The following RBFOX1 variants were observed in gnomAD, a reference collection of about 807,000 sequenced individuals.
RBFOX1 encodes the protein RNA binding protein fox-1 homolog 1.
In RBFOX1, 8 loss-of-function variants were observed where a neutral mutation model predicts 57.7. The observed-to-expected ratio is 0.14, with a 90% confidence interval of 0.08 to 0.25. The LOEUF (loss-of-function observed/expected upper bound fraction) is 0.25. RBFOX1 is among the 10% of genes least tolerant of loss of function. The pLI is 1.00. For synonymous variants in RBFOX1, 326 were observed against 222.4 expected (o/e 1.47, Z -4.15); for missense variants, 611 against 548.5 (o/e 1.11, Z -1.14).
intron 3 of RBFOX1, among the ~76,000 whole-genome samples, chr16:6,720,472 A>G (rs549542269): frequency 3.3e-5 from 5 of 152,296 alleles, no homozygotes; most frequent in African/African-American, 1.2e-4. Flanking sequence ...ATGGACTCAT[A>G]CACGACCTAT....
At chr16:6,908,622 T>C (rs2070725628) in intron 3 of RBFOX1, among the ~76,000 whole-genome samples, 1 of 152,158 alleles carries the variant, frequency 6.6e-6, no homozygotes, top group African/African-American at 2.4e-5. Flanking sequence ...GTGGAAATGG[T>C]TAATGAATCC....
At chr16:6,117,085 C>G (rs1280828299) in intron 1 of RBFOX1, among the ~76,000 whole-genome samples, 1 of 152,128 alleles carries the variant, frequency 6.6e-6, no homozygotes, top group East Asian at 1.9e-4. Context: ...GATGCCCTCA[C>G]CAAAGCCTTC....
Position 6,893,474 on chromosome 16 carries a change from G to C in RBFOX1, c.-15-158583G>C, listed in dbSNP as rs186307583. ...TAAACCTGAACTCTAGTAGCTGTGC[G>C]ATAGAGAGGTCCCTTGTCAGTATCA... On this transcript the variant is annotated intron_variant, in intron 3 of 15. Transcript: ENST00000550418. Among the ~76,000 whole-genome samples, 15 of 152,280 alleles carry C rather than the reference G, an allele frequency of 9.9e-5. 1 individual carries two copies. The East Asian group carries it at 2.9e-3, about 29-fold the overall frequency.
At chr16:5,747,332 G>T (rs980743741) in intron 3 of RBFOX1, among the ~76,000 whole-genome samples, 11 of 152,154 alleles carry the variant, frequency 7.2e-5, no homozygotes, top group African/African-American at 2.7e-4. Flanking sequence ...CAGGGATATT[G>T]GTCTGAAATT....
rs1013941807 is a variant in RBFOX1, at chr16:6,626,156, T to TC, written c.-63-28444dup. Among the ~76,000 whole-genome samples, 11 of 151,322 alleles carry TC rather than the reference T, an allele frequency of 7.3e-5. 1 individual carries two copies. The highest frequency in any genetic ancestry group is 2.7e-4 in the African/African-American group (11 of 40,942). The stretch of plus-strand genomic sequence containing the variant: ...TTCTGCAGGTTTTTTTTTTTTTTTT[T>TC]CCCAAATTGCATAGTTGGTTCTGTA... On this transcript the variant is annotated intron_variant, in intron 2 of 15. Transcript: ENST00000550418.
intron 3 of RBFOX1, among the ~76,000 whole-genome samples, chr16:6,909,717 C>G (rs1320670692): frequency 1.3e-5 from 2 of 152,174 alleles, no homozygotes; most frequent in Non-Finnish European, 2.9e-5. Flanking sequence ...TAAGTCGTGG[C>G]AGTCACAATG....
intron 4 of RBFOX1, among the ~76,000 whole-genome samples, chr16:7,060,530 C>G (rs931135289): frequency 2.0e-5 from 3 of 152,170 alleles, no homozygotes; most frequent in Non-Finnish European, 2.9e-5. Context: ...CTGCCATTCT[C>G]AAATGAAATG....
At chr16:6,402,409 A>G (rs930380513) in intron 2 of RBFOX1, among the ~76,000 whole-genome samples, 8 of 152,238 alleles carry the variant, frequency 5.3e-5, no homozygotes, top group African/African-American at 1.7e-4. Context: ...ATGAACAAAC[A>G]CATTTGCTTG....
At chr16:7,540,966 A>T (rs2082759451) in intron 5 of RBFOX1, among the ~76,000 whole-genome samples, 1 of 152,178 alleles carries the variant, frequency 6.6e-6, no homozygotes, top group Non-Finnish European at 1.5e-5. Context: ...TGGTTAATTC[A>T]GTGCATTGAA....
At chr16:6,264,158 G>A (rs919992264) in intron 1 of RBFOX1, among the ~76,000 whole-genome samples, 7 of 152,226 alleles carry the variant, frequency 4.6e-5, no homozygotes, top group African/African-American at 1.7e-4. Context: ...TTTCTTGCAA[G>A]TTGCAATTTG....
intron 3 of RBFOX1, among the ~76,000 whole-genome samples, chr16:5,801,460 T>A (rs2055053770): frequency 6.6e-6 from 1 of 152,108 alleles, no homozygotes; most frequent in South Asian, 2.1e-4. Flanking sequence ...TGCGAGTTAA[T>A]TTTTGAGGCA....
At chr16:6,596,724 C>T (rs2097779863) in intron 2 of RBFOX1, among the ~76,000 whole-genome samples, 2 of 152,176 alleles carry the variant, frequency 1.3e-5, no homozygotes, top group South Asian at 4.1e-4. Context: ...AACTGTAAGT[C>T]TTAGCTGGGC....
At chr16:6,890,519 AAAAC>A (rs142779350) in intron 3 of RBFOX1, among the ~76,000 whole-genome samples, 66,999 of 151,590 alleles carry the variant, frequency 0.44, 15,083 homozygotes, top group East Asian at 0.65. Flanking sequence ...ACTCCATCTC[AAAAC>A]AAACAAACAA....
intron 1 of RBFOX1, among the ~76,000 whole-genome samples, chr16:6,033,468 C>G (rs1001097161): frequency 6.6e-6 from 1 of 152,128 alleles, no homozygotes; most frequent in Non-Finnish European, 1.5e-5. Flanking sequence ...ATATTTTATG[C>G]GAATACAAAC....
At chr16:7,282,559 C>CT (rs111692571) in intron 4 of RBFOX1, among the ~76,000 whole-genome samples, 15,192 of 149,548 alleles carry the variant, frequency 0.1, 1,286 homozygotes, top group African/African-American at 0.22. Flanking sequence ...GTTGATTAAG[C>CT]TTTTTTTTTT....
chr16:7,001,360 GTGTGTATGTGTA>G lies in RBFOX1; in HGVS notation c.-15-50671_-15-50660del, dbSNP rs71408493. Among the ~76,000 whole-genome samples, 18 of 143,578 alleles carry G rather than the reference GTGTGTATGTGTA, an allele frequency of 1.3e-4. 1 individual carries two copies. The highest frequency in any genetic ancestry group is 4.3e-4 in the African/African-American group (16 of 36,830). 94.2% of individuals were successfully genotyped at this position (143,578 alleles called of 152,430 possible). ...GCCCTGACTCTGTGTGTGTGTGTTTGTGTGTATGTGTATGTGTATGTGTATGTGTATGTGTAT... is the reference window on the plus strand; with the variant it reads ...GCCCTGACTCTGTGTGTGTGTGTTTGTGTGTATGTGTATGTGTATGTGTAT... On this transcript the variant is annotated intron_variant, in intron 3 of 15. Transcript: ENST00000550418.
chr16:7,642,317 CTT>C (rs893633772), intron 11 of RBFOX1, among the ~76,000 whole-genome samples: 19 of 151,976 alleles, frequency 1.3e-4, no homozygotes, highest in Admixed American at 3.3e-4. Context: ...GATCAGGACT[CTT>C]TTTTTTAAGT....
chr16:6,246,423 C>T (rs987566380), intron 1 of RBFOX1, among the ~76,000 whole-genome samples: 1 of 152,102 alleles, frequency 6.6e-6, no homozygotes, highest in South Asian at 2.1e-4. Flanking sequence ...CAAGGGATTG[C>T]AAGTAACAGA....
At position 6,282,148 on chromosome 16, in the gene RBFOX1, A is replaced by G. The variant is rs1248276381; in HGVS notation, c.-126-34847A>G. Among the ~76,000 whole-genome samples the G allele has an allele frequency of 4.4e-4, 67 of 152,144 alleles. 1 individual carries two copies. The highest frequency in any genetic ancestry group is 4.4e-5 in the Non-Finnish European group (3 of 68,028). On this transcript the variant is annotated intron_variant, in intron 1 of 15. Coordinates refer to ENST00000550418, the MANE Select transcript of RBFOX1 (RefSeq NM_018723.4). ...TTTTGCAGAAGCTCTCTTCATCTGA[A>G]TTCACAAGTATTGACTGTTTCTTGG...
Sources: gnomAD v4.1 joint callset for allele counts (sites outside exome capture counted in the v4.1 genomes callset) on GRCh38, gnomAD v4.1.1 for gene constraint, MANE v1.5 for transcripts, NCBI Gene and HGNC (gene_info 2026-07-23, HGNC 2026-07-21) for gene names.